The following PPP3CA variants were observed in gnomAD, a reference collection of about 807,000 sequenced individuals.
PPP3CA encodes CAM-PRP catalytic subunit.
A neutral mutation model predicts 66.5 loss-of-function variants in PPP3CA; 14 were observed. The ratio of observed to expected loss-of-function variants is 0.21; its 90% confidence interval spans 0.14 to 0.33. The LOEUF (loss-of-function observed/expected upper bound fraction) is 0.33. PPP3CA is among the 10% of genes least tolerant of loss of function. The pLI is 1.00. For missense variants in PPP3CA, 317 were observed against 639.5 expected (o/e 0.50, Z 5.44); for synonymous variants, 232 against 226.2 (o/e 1.03, Z -0.23).
chr4:101,214,278 T>C (rs555934182), intron 1 of PPP3CA, among the ~76,000 whole-genome samples: 1 of 146,108 alleles, frequency 6.8e-6, no homozygotes, highest in East Asian at 1.9e-4. Flanking sequence ...TTAATCCTAC[T>C]ATGCCTGAGT....
intron 1 of PPP3CA, among the ~76,000 whole-genome samples, chr4:101,272,202 C>A (rs975779248): frequency 6.6e-6 from 1 of 152,094 alleles, no homozygotes; most frequent in Non-Finnish European, 1.5e-5. Context: ...TACTACATAC[C>A]ACTTATTGAA....
chr4:101,251,848 C>T (rs1198722035), intron 1 of PPP3CA, among the ~76,000 whole-genome samples: 1 of 152,066 alleles, frequency 6.6e-6, no homozygotes, highest in Non-Finnish European at 1.5e-5. Context: ...CTCATGTCCA[C>T]CTATAAGCAA....
intron 1 of PPP3CA, among the ~76,000 whole-genome samples, chr4:101,320,407 C>T (rs1162055872): frequency 6.7e-6 from 1 of 148,638 alleles, no homozygotes; most frequent in Non-Finnish European, 1.5e-5. Context: ...ATCAGCATAG[C>T]TATGGCATAG....
chr4:101,215,183 A>G (rs943294304), intron 1 of PPP3CA, among the ~76,000 whole-genome samples: 4 of 151,850 alleles, frequency 2.6e-5, no homozygotes, highest in African/African-American at 9.7e-5. Context: ...AATAATTCAC[A>G]GTGTTATATA....
intron 1 of PPP3CA, among the ~76,000 whole-genome samples, chr4:101,313,749 T>C (rs1456399271): frequency 6.6e-6 from 1 of 152,232 alleles, no homozygotes; most frequent in African/African-American, 2.4e-5. Flanking sequence ...GCATGATTTA[T>C]TATAAGCAAA....
chr4:101,147,101 T>C (rs1334312535), intron 2 of PPP3CA, among the ~76,000 whole-genome samples: 1 of 152,184 alleles, frequency 6.6e-6, no homozygotes, highest in African/African-American at 2.4e-5. Flanking sequence ...ACATAGCTAA[T>C]AAGTAGCAGA....
intron 1 of PPP3CA, among the ~76,000 whole-genome samples, chr4:101,227,680 C>T (rs1725827389): frequency 6.6e-6 from 1 of 151,574 alleles, no homozygotes; most frequent in Non-Finnish European, 1.5e-5. Flanking sequence ...GTAATAAGCA[C>T]AGTACCCAAT....
intron 2 of PPP3CA, among the ~76,000 whole-genome samples, chr4:101,137,734 T>C (rs74408565): frequency 6.6e-6 from 1 of 152,082 alleles, no homozygotes; most frequent in Non-Finnish European, 1.5e-5. Context: ...ACATTAGTTT[T>C]AACTAGCCAA....
chr4:101,127,951 A>T (rs1287815068), intron 2 of PPP3CA, among the ~76,000 whole-genome samples: 2 of 152,196 alleles, frequency 1.3e-5, no homozygotes, highest in Non-Finnish European at 2.9e-5. Flanking sequence ...ATTCAAACCA[A>T]GGCAGTCTCA....
chr4:101,324,150 GAGGGAGGAAGGA>G (rs1729130006), intron 1 of PPP3CA, among the ~76,000 whole-genome samples: 2 of 97,588 alleles, frequency 2.0e-5, no homozygotes, highest in African/African-American at 4.7e-5. Flanking sequence ...GGAAGGAAGG[GAGGGAGGAAGGA>G]AGGAAGGAAG....
At chr4:101,119,836 A>G (rs1347911324) in intron 2 of PPP3CA, among the ~76,000 whole-genome samples, 2 of 152,092 alleles carry the variant, frequency 1.3e-5, no homozygotes, top group Non-Finnish European at 1.5e-5. Flanking sequence ...GAACAAAGCT[A>G]GTAAGTGCTA....
intron 7 of PPP3CA, 109 bp from the exon 8 acceptor site, chr4:101,080,735 G>T: frequency 1.9e-6 from 1 of 535,654 alleles, no homozygotes; most frequent in East Asian, 3.2e-5. Context: ...TCATTCAAAG[G>T]GCCTCCAATC....
chr4:101,237,139 GCT>G (rs1726155784), intron 1 of PPP3CA, among the ~76,000 whole-genome samples: 3 of 149,430 alleles, frequency 2.0e-5, no homozygotes, highest in Admixed American at 1.3e-4. Context: ...TCCTTTATTA[GCT>G]CTCTTTTTTC....
chr4:101,090,267 T>C (rs1414230293), intron 6 of PPP3CA, among the ~76,000 whole-genome samples: 1 of 152,086 alleles, frequency 6.6e-6, no homozygotes, highest in Non-Finnish European at 1.5e-5. Flanking sequence ...AGTCAGTCTA[T>C]ATATAGGCCA....
chr4:101,255,937 C>T (rs1444481382), intron 1 of PPP3CA, among the ~76,000 whole-genome samples: 1 of 151,892 alleles, frequency 6.6e-6, no homozygotes, highest in Non-Finnish European at 1.5e-5. Context: ...CTTCCTCCTC[C>T]ATTTTTTAAA....
intron 11 of PPP3CA, among the ~76,000 whole-genome samples, chr4:101,039,620 G>A (rs1355474741): frequency 6.9e-6 from 1 of 143,984 alleles, no homozygotes; most frequent in Non-Finnish European, 1.6e-5. Flanking sequence ...ACCTCTTTTG[G>A]CATTAAGTCA....
intron 1 of PPP3CA, among the ~76,000 whole-genome samples, chr4:101,314,902 G>C (rs1441621218): frequency 6.6e-6 from 1 of 152,024 alleles, no homozygotes; most frequent in African/African-American, 2.4e-5. Context: ...CTTCGCAGAA[G>C]AACAACATAT....
chr4:101,290,197 AT>A (rs1393624723), intron 1 of PPP3CA, among the ~76,000 whole-genome samples: 4 of 152,218 alleles, frequency 2.6e-5, no homozygotes, highest in African/African-American at 9.6e-5. Flanking sequence ...TCTAAAGGAT[AT>A]AACTGTTTCT....
chr4:101,230,409 A>T (rs1029721717), intron 1 of PPP3CA, among the ~76,000 whole-genome samples: 4 of 151,624 alleles, frequency 2.6e-5, no homozygotes, highest in African/African-American at 9.7e-5. Context: ...TCTCAATTTC[A>T]GAGGTGGAGG....
Sources: allele counts gnomAD v4.1 joint callset (sites outside exome capture counted in the v4.1 genomes callset), GRCh38; gene constraint gnomAD v4.1.1; transcripts MANE v1.5; gene names NCBI Gene and HGNC (gene_info 2026-07-23, HGNC 2026-07-21).